The following NCKAP5 variants were observed in gnomAD, a reference collection of about 807,000 sequenced individuals.
The protein encoded by NCKAP5 is nck-associated protein 5.
In NCKAP5, 92 loss-of-function variants were observed where a neutral mutation model predicts 167.0. The ratio of observed to expected loss-of-function variants is 0.55; its 90% CI spans 0.47 to 0.66. NCKAP5 has a LOEUF of 0.66. NCKAP5 is among the 30% of genes least tolerant of loss of function. The pLI, the probability that NCKAP5 is intolerant of heterozygous loss-of-function variation, is 0.00. For synonymous variants in NCKAP5, 891 were observed against 877.4 expected (o/e 1.02, Z -0.27); for missense variants, 2,378 against 2,315.0 (o/e 1.03, Z -0.56).
chr2:133,546,687 C>A (rs1473328211), intron 2 of NCKAP5, among the ~76,000 whole-genome samples: 1 of 151,968 alleles, frequency 6.6e-6, no homozygotes, highest in Non-Finnish European at 1.5e-5. Context: ...AACAAAAAAA[C>A]AAAACAACAA....
At chr2:132,720,167 C>T (rs1401304501) in intron 19 of NCKAP5, among the ~76,000 whole-genome samples, 1 of 152,170 alleles carries the variant, frequency 6.6e-6, no homozygotes, top group Non-Finnish European at 1.5e-5. Flanking sequence ...CATGCCTTCT[C>T]TGAGGACTTG....
the NCKAP5 span, among the ~76,000 whole-genome samples, chr2:133,654,756 C>A: frequency 6.6e-6 from 1 of 152,182 alleles, no homozygotes; most frequent in Non-Finnish European, 1.5e-5. Context: ...GGGTAATAGA[C>A]ATGAGGGATA....
At chr2:133,284,794 T>C (rs527592793) in intron 4 of NCKAP5, 10 of 152,256 alleles carry the variant, frequency 6.6e-5, no homozygotes, top group Non-Finnish European at 1.2e-4. Flanking sequence ...CAATTTCTTC[T>C]TTGATTTGCT....
chr2:133,307,512 GA>G (rs1300544068), intron 3 of NCKAP5, among the ~76,000 whole-genome samples: 9 of 151,548 alleles, frequency 5.9e-5, no homozygotes, highest in East Asian at 3.9e-4. Flanking sequence ...AAATAGTGAA[GA>G]AAAAAAAGGG....
intron 2 of NCKAP5, among the ~76,000 whole-genome samples, chr2:133,529,808 A>G (rs1380313047): frequency 6.6e-6 from 1 of 152,124 alleles, no homozygotes; most frequent in Non-Finnish European, 1.5e-5. Flanking sequence ...TCTTTGTTTT[A>G]TGTGTGGTTA....
chr2:133,234,310 A>T (rs555105701), intron 4 of NCKAP5, among the ~76,000 whole-genome samples: 1 of 152,224 alleles, frequency 6.6e-6, no homozygotes, highest in Non-Finnish European at 1.5e-5. Flanking sequence ...CACAGCATGG[A>T]GCAAATCAGC....
At chr2:133,313,781 C>T (rs565131317) in intron 3 of NCKAP5, among the ~76,000 whole-genome samples, 97 of 152,098 alleles carry the variant, frequency 6.4e-4, no homozygotes, top group African/African-American at 2.1e-3. Flanking sequence ...ATACAAATGA[C>T]ATAATTAGAA....
intron 19 of NCKAP5, among the ~76,000 whole-genome samples, chr2:132,710,961 C>T (rs1465912857): frequency 6.6e-6 from 1 of 152,066 alleles, no homozygotes; most frequent in African/African-American, 2.4e-5. Context: ...TCTGAAAATC[C>T]AGCTAAGTTT....
intron 6 of NCKAP5, among the ~76,000 whole-genome samples, chr2:133,057,371 C>T (rs910845159): frequency 1.3e-5 from 2 of 152,064 alleles, no homozygotes; most frequent in East Asian, 1.9e-4. Flanking sequence ...CAAGACAGGC[C>T]GAAAGCTAGG....
At chr2:133,069,795 T>C (rs1330456072) in intron 6 of NCKAP5, among the ~76,000 whole-genome samples, 2 of 152,074 alleles carry the variant, frequency 1.3e-5, no homozygotes, top group African/African-American at 4.8e-5. Context: ...ATTAACAATT[T>C]AGAGTAATGT....
At chr2:132,808,393 T>A (rs1685599429) in intron 11 of NCKAP5, among the ~76,000 whole-genome samples, 1 of 152,058 alleles carries the variant, frequency 6.6e-6, no homozygotes, top group Non-Finnish European at 1.5e-5. Flanking sequence ...GGTCCTGAAC[T>A]TTTTTTGTTG....
intron 3 of NCKAP5, among the ~76,000 whole-genome samples, chr2:133,481,341 G>T (rs1455090532): frequency 6.6e-6 from 1 of 152,094 alleles, no homozygotes; most frequent in African/African-American, 2.4e-5. Context: ...TTTTAAATTT[G>T]TGCAAATCTA....
At chr2:132,905,827 A>G (rs987849228) in intron 8 of NCKAP5, among the ~76,000 whole-genome samples, 2 of 152,094 alleles carry the variant, frequency 1.3e-5, no homozygotes, top group Non-Finnish European at 2.9e-5. Flanking sequence ...TGCTCTTCCA[A>G]TTGATTTTCT....
intron 19 of NCKAP5, among the ~76,000 whole-genome samples, chr2:132,699,870 A>G (rs570464568): frequency 1.5e-3 from 225 of 152,252 alleles, no homozygotes; most frequent in African/African-American, 5.2e-3. Flanking sequence ...GGGTCAAATG[A>G]TATTTCTAGT....
chr2:132,874,331 C>T (rs1691090707), intron 9 of NCKAP5, among the ~76,000 whole-genome samples: 1 of 151,972 alleles, frequency 6.6e-6, no homozygotes, highest in East Asian at 1.9e-4. Context: ...GCTGGTCTCG[C>T]ACTCCTGACC....
chr2:133,048,266 C>T (rs539202152), intron 6 of NCKAP5, among the ~76,000 whole-genome samples: 2 of 152,306 alleles, frequency 1.3e-5, no homozygotes, highest in East Asian at 3.9e-4. Flanking sequence ...GTTCTAGCCT[C>T]TCTAAATTGG....
At chr2:132,793,874 G>A (rs1036406033) in intron 12 of NCKAP5, among the ~76,000 whole-genome samples, 24 of 152,058 alleles carry the variant, frequency 1.6e-4, no homozygotes, top group Admixed American at 1.4e-3. Flanking sequence ...TAAGGGATGC[G>A]GAATCCCTGA....
At chr2:132,743,035 C>T (rs1679338141) in intron 16 of NCKAP5, among the ~76,000 whole-genome samples, 1 of 151,200 alleles carries the variant, frequency 6.6e-6, no homozygotes, top group Admixed American at 6.6e-5. Flanking sequence ...TGCTTCCATC[C>T]ATGAAGAATT....
chr2:133,225,776 G>GTTTT (rs1415189212), intron 4 of NCKAP5, among the ~76,000 whole-genome samples: 24 of 67,704 alleles, frequency 3.5e-4, no homozygotes, highest in Admixed American at 3.6e-4. Flanking sequence ...ATCATGCCCT[G>GTTTT]TTCTTTTTTT....
Sources: gnomAD v4.1 joint callset for allele counts (sites outside exome capture counted in the v4.1 genomes callset) on GRCh38, gnomAD v4.1.1 for gene constraint, MANE v1.5 for transcripts, NCBI Gene and HGNC (gene_info 2026-07-23, HGNC 2026-07-21) for gene names.